The following SERF2 variants were observed in gnomAD, a reference collection of about 807,000 sequenced individuals.
The protein encoded by SERF2 is gastric cancer-related protein VRG107.
SERF2 carries 4 observed loss-of-function variants against 10.7 expected under a neutral mutation model. The observed-to-expected ratio is 0.37, with a 90% CI of 0.18 to 0.86. SERF2 has a LOEUF of 0.86. Among genes scored for constraint, SERF2 ranks in the 40% least tolerant of loss-of-function variants. The probability of loss-of-function intolerance (pLI) is 0.43; values close to 1 mark genes in which losing one functional copy is unlikely to be tolerated. For synonymous variants in SERF2, 26 were observed against 26.0 expected (o/e 1.00, Z 0.01); for missense variants, 47 against 79.1 (o/e 0.59, Z 1.54).
At chr15:43,792,560 C>A in intron 1 of SERF2, 177 bp downstream of exon 1, 1 of 1,483,800 alleles carries the variant, frequency 6.7e-7, no homozygotes. Flanking sequence ...ACGGCTACTT[C>A]ACGGGACCAC....
intron 1 of SERF2, chr15:43,792,762 G>T: frequency 1.4e-6 from 1 of 719,718 alleles, no homozygotes; most frequent in Non-Finnish European, 2.2e-6. Flanking sequence ...CTGGCCCCTT[G>T]GGACCTCCCT....
chr15:43,792,653 C>G lies in SERF2; in HGVS notation c.7+270C>G, dbSNP rs1178918614. Reference sequence around the variant, plus strand: ...CGCCCCTGTGATAGGCCCAGAGCCCCCACTCCACAAGCCAGCCCATCCCCC... The same window carrying G: ...CGCCCCTGTGATAGGCCCAGAGCCCGCACTCCACAAGCCAGCCCATCCCCC... On this transcript the variant is annotated intron_variant, in intron 1 of 2. Coordinates refer to ENST00000249786, the MANE Select transcript of SERF2 (RefSeq NM_001018108.4). The G allele has an allele frequency of 2.9e-6, 4 of 1,373,104 alleles. No individual in the cohort carries two copies. In the South Asian group the frequency reaches 6.2e-5, roughly 21 times the overall value. The allele number at this position is 1,373,104 out of a possible 1,614,324, so 85.1% of individuals were successfully genotyped here.
intron 1 of SERF2, among the ~76,000 whole-genome samples, chr15:43,781,376 G>A (rs949619548): frequency 3.3e-5 from 5 of 151,996 alleles, no homozygotes; most frequent in African/African-American, 1.2e-4. Context: ...CCAACATAGC[G>A]AAATCCCATG....
At chr15:43,777,821 C>T (rs2086932572) in intron 1 of SERF2, among the ~76,000 whole-genome samples, 2 of 152,040 alleles carry the variant, frequency 1.3e-5, no homozygotes, top group Non-Finnish European at 1.5e-5. Context: ...ATTATGTTTC[C>T]CAAGAGCCCC....
At chr15:43,792,244 G>T, upstream of SERF2, 1 of 805,268 alleles carries the variant, frequency 1.2e-6, no homozygotes. Flanking sequence ...TGTCCAATGG[G>T]AGCCGGCTCC....
upstream of SERF2, among the ~76,000 whole-genome samples, chr15:43,789,009 C>T (rs1227177637): frequency 1.3e-5 from 2 of 151,924 alleles, no homozygotes; most frequent in Non-Finnish European, 2.9e-5. Flanking sequence ...ATTAGCCGGG[C>T]GTAGTGGCGG....
chr15:43,777,695 G>A (rs565008360), intron 1 of SERF2, among the ~76,000 whole-genome samples: 2 of 152,332 alleles, frequency 1.3e-5, no homozygotes, highest in African/African-American at 4.8e-5. Context: ...GCTCCCTGAG[G>A]AGGGCCAGGA....
chr15:43,794,566 C>T lies in SERF2; in HGVS notation c.*793C>T, dbSNP rs2087156798. 1 of 167,242 alleles carries T rather than the reference C, an allele frequency of 6.0e-6. No individual in the cohort carries two copies. Among genetic ancestry groups the T allele is most frequent in the African/African-American group, 2.4e-5 (1 of 41,716 alleles). The allele number at this position is 167,242 out of a possible 1,614,324, so 10.4% of individuals were successfully genotyped here. On this transcript the variant is annotated 3_prime_UTR_variant, in exon 3 of 3. Transcript: ENST00000249786. ...GCCTCTGTGCTCCTTTCTTCTATGC[C>T]CTGGTTTGTTCTGTGGTTCTGGGCT...
chr15:43,785,704 C>CTT (rs71415810), intron 2 of SERF2, among the ~76,000 whole-genome samples: 1,509 of 122,660 alleles, frequency 0.012, 12 homozygotes, highest in East Asian at 0.022. Context: ...TTTTCTTTTT[C>CTT]TTTTTTTTTT....
At chr15:43,789,540 C>T (rs1245263721), upstream of SERF2, among the ~76,000 whole-genome samples, 2 of 152,188 alleles carry the variant, frequency 1.3e-5, no homozygotes, top group Non-Finnish European at 1.5e-5. Flanking sequence ...ATAGCACCAG[C>T]AGTACTATTT....
At chr15:43,791,124 A>G (rs1177826962), upstream of SERF2, among the ~76,000 whole-genome samples, 1 of 150,866 alleles carries the variant, frequency 6.6e-6, no homozygotes, top group Non-Finnish European at 1.5e-5. Context: ...CCCAGGCTAG[A>G]GTGCAGTGGT....
chr15:43,792,643 C>T, intron 1 of SERF2: 1 of 1,385,812 alleles, frequency 7.2e-7, no homozygotes, highest in Non-Finnish European at 9.5e-7. Context: ...CTGTGATAGG[C>T]CCAGAGCCCC....
In SERF2 at chr15:43,793,075, C is replaced by A. The variant is rs774349791; in HGVS notation, c.108C>A (p.Arg36=). ...ATGACGGGCTTTCTGCTGCCGCCCG[C>A]AAGCAGAGGTAGCCCCAGGGAGGGG... ...RRDDGLSAAA[R]KQRDSEIMQQ... The change falls in exon 2 of 3, where the codon CGC becomes CGA. Residue 36 remains arginine (R), a synonymous_variant. Transcript: ENST00000249786. 6.2e-7 allele frequency: 1 copy of A among 1,607,126 alleles called. No homozygotes were observed. The highest frequency in any genetic ancestry group is 1.1e-5 in the South Asian group (1 of 90,780).
intron 2 of SERF2, chr15:43,793,361 C>G: frequency 3.4e-6 from 2 of 584,806 alleles, no homozygotes; most frequent in Non-Finnish European, 6.0e-6. Context: ...ATTTCAAATA[C>G]AGTTGTGGTT....
In SERF2 at chr15:43,793,876, C is replaced by T. The variant is rs1218894823; in HGVS notation, c.*103C>T. 11 of 1,608,564 alleles carry T rather than the reference C, an allele frequency of 6.8e-6. No homozygotes were observed. Among genetic ancestry groups the T allele is most frequent in the African/African-American group, 1.3e-5 (1 of 74,860 alleles). ...CTGTAGTGCTCACAGGTCCCAGCAC[C>T]GATGGCATTCCCTTTGCCCTGAGTC... On this transcript the variant is annotated 3_prime_UTR_variant, in exon 3 of 3. Transcript: ENST00000249786.
chr15:43,779,266 A>G (rs552739104), intron 1 of SERF2, among the ~76,000 whole-genome samples: 2 of 152,234 alleles, frequency 1.3e-5, no homozygotes, highest in Admixed American at 1.3e-4. Flanking sequence ...TGAAGTAGGA[A>G]GCAACTGAGA....
rs1409366742 is a variant in SERF2 at position 43,795,530 on chromosome 15, C to T, written c.*1757C>T. On this transcript the variant is annotated 3_prime_UTR_variant, in exon 3 of 3. Coordinates refer to ENST00000249786, the MANE Select transcript of SERF2 (RefSeq NM_001018108.4). ...TCTTGGTCAGCTGGCCTCGCAGCCC[C>T]ACCCCTTTGCCCTGGAGAGAGGAAA... The T allele has an allele frequency of 6.2e-7, 1 of 1,614,188 alleles. No individual in the cohort carries two copies.
chr15:43,784,443 GTTTTA>G (rs2086988966), intron 1 of SERF2, among the ~76,000 whole-genome samples: 1 of 149,786 alleles, frequency 6.7e-6, no homozygotes, highest in African/African-American at 2.5e-5. Flanking sequence ...CTCTATTTTT[GTTTTA>G]TTTATTTATT....
chr15:43,792,383 C>G lies in SERF2; in HGVS notation c.7C>G (p.Arg3Gly). MTRGNQRELARQK... is the reference protein window; with the variant it reads MTGGNQRELARQK... ...TGGAGCCGCTGCCGTCGCCATGACCCGTGAGCACCGAGCCCCCTTCTCCTT... is the reference window on the plus strand; with the variant it reads ...TGGAGCCGCTGCCGTCGCCATGACCGGTGAGCACCGAGCCCCCTTCTCCTT... Residue 3 changes from arginine to glycine, a missense_variant and splice_region_variant, in exon 1 of 3, where the codon CGC becomes GGC. Arg to Gly is a moderately radical substitution (Grantham distance 125, BLOSUM62 -2). Transcript: ENST00000249786. The G allele has an allele frequency of 6.2e-7, 1 of 1,613,726 alleles. No homozygotes were observed. The highest frequency in any genetic ancestry group is 8.5e-7 in the Non-Finnish European group (1 of 1,179,642).
Sources: allele counts gnomAD v4.1 joint callset (sites outside exome capture counted in the v4.1 genomes callset), GRCh38; gene constraint gnomAD v4.1.1; transcripts MANE v1.5; gene names NCBI Gene and HGNC (gene_info 2026-07-23, HGNC 2026-07-21).